CALD1: variants seen among roughly 807,000 people sequenced by gnomAD.
CALD1 encodes caldesmon.
Under a neutral mutation model 99.9 loss-of-function variants are expected in CALD1, and 33 were observed. The ratio of observed to expected loss-of-function variants is 0.33; its 90% CI spans 0.25 to 0.44. The LOEUF (loss-of-function observed/expected upper bound fraction) is 0.44, where lower values mean the gene tolerates loss of function less well. Among genes scored for constraint, CALD1 ranks in the 20% least tolerant of loss-of-function variants. The pLI is 1.00. For missense variants in CALD1, 861 were observed against 962.1 expected (o/e 0.89, Z 1.39); for synonymous variants, 310 against 325.0 (o/e 0.95, Z 0.50).
chr7:134,947,603 G>C lies in CALD1; in HGVS notation c.1628G>C (p.Arg543Pro), dbSNP rs753909731. ...AGGCTGGAGGAGCTTCGTCGTCGTC[G>C]CGGGGAGACCGAGAGCGAAGAGTTC... ...GKRLEELRRR[R>P]GETESEEFEK... Residue 543 changes from arginine to proline, a missense_variant, in exon 8 of 15, where the codon CGC (arginine) becomes CCC (proline). By Grantham distance (103) the Arg-to-Pro change is moderately radical. Coordinates refer to ENST00000361675, the MANE Select transcript of CALD1 (RefSeq NM_033138.4). 1 of 1,562,308 alleles carries C rather than the reference G, an allele frequency of 6.4e-7. No individual in the cohort carries two copies. Among genetic ancestry groups the C allele is most frequent in the South Asian group, 1.2e-5 (1 of 85,140 alleles).
intron 2 of CALD1, among the ~76,000 whole-genome samples, chr7:134,854,549 CT>C (rs1319119486): frequency 6.6e-6 from 1 of 151,904 alleles, no homozygotes; most frequent in East Asian, 1.9e-4. Context: ...TAATGACACA[CT>C]CACATTCATT....
intron 3 of CALD1, among the ~76,000 whole-genome samples, chr7:134,912,842 G>T (rs1803912409): frequency 6.6e-6 from 1 of 152,126 alleles, no homozygotes; most frequent in East Asian, 1.9e-4. Flanking sequence ...GACAATTTTT[G>T]ATACAATTTT....
chr7:134,760,973 G>A (rs750417372), intron 1 of CALD1, among the ~76,000 whole-genome samples: 5 of 152,128 alleles, frequency 3.3e-5, no homozygotes, highest in South Asian at 2.1e-4. Flanking sequence ...GTACTGCTTC[G>A]TTAGTTGTTC....
chr7:134,866,327 T>G (rs867865086), intron 2 of CALD1, among the ~76,000 whole-genome samples: 1 of 152,112 alleles, frequency 6.6e-6, no homozygotes, highest in Non-Finnish European at 1.5e-5. Context: ...GAAGTACTCT[T>G]GGTAAGAGTA....
the CALD1 span, among the ~76,000 whole-genome samples, chr7:134,727,807 TGAG>T: frequency 6.6e-6 from 1 of 152,186 alleles, no homozygotes; most frequent in Admixed American, 6.5e-5. Flanking sequence ...AGTTTGGTGA[TGAG>T]GAGCATTAGC....
intron 3 of CALD1, among the ~76,000 whole-genome samples, chr7:134,907,786 ATGT>A (rs960236347): frequency 2.0e-5 from 3 of 151,958 alleles, no homozygotes; most frequent in Non-Finnish European, 4.4e-5. Context: ...TGAACTGCAC[ATGT>A]TGTGGGAGCC....
At chr7:134,763,914 T>C (rs542303090) in intron 1 of CALD1, among the ~76,000 whole-genome samples, 143 of 99,600 alleles carry the variant, frequency 1.4e-3, no homozygotes, top group Non-Finnish European at 2.4e-3. Flanking sequence ...CGAGACTCCA[T>C]CTCAAAAAAA....
At chr7:134,719,266 A>C in the CALD1 span, among the ~76,000 whole-genome samples, 1 of 152,222 alleles carries the variant, frequency 6.6e-6, no homozygotes, top group Non-Finnish European at 1.5e-5. Context: ...AGAAGTGAAG[A>C]ATAAATAAGG....
chr7:134,775,530 T>G (rs534699108), upstream of CALD1, among the ~76,000 whole-genome samples: 1 of 152,138 alleles, frequency 6.6e-6, no homozygotes, highest in East Asian at 1.9e-4. Flanking sequence ...GCTAACATGG[T>G]GAAACCCTGT....
At chr7:134,787,019 C>A (rs1261072521) in intron 1 of CALD1, among the ~76,000 whole-genome samples, 1 of 152,144 alleles carries the variant, frequency 6.6e-6, no homozygotes, top group Non-Finnish European at 1.5e-5. Context: ...GATAAAACAT[C>A]CTGGCTCAGA....
intron 1 of CALD1, among the ~76,000 whole-genome samples, chr7:134,770,771 T>C (rs1490578036): frequency 6.6e-6 from 1 of 152,176 alleles, no homozygotes; most frequent in Non-Finnish European, 1.5e-5. Context: ...GGGGGAATGC[T>C]GTTATCATAG....
chr7:134,861,654 G>A (rs2347900), intron 2 of CALD1, among the ~76,000 whole-genome samples: 2 of 151,910 alleles, frequency 1.3e-5, no homozygotes, highest in South Asian at 2.1e-4. Context: ...CCCCAGTGTC[G>A]AGAACAGTAC....
intron 3 of CALD1, among the ~76,000 whole-genome samples, chr7:134,882,459 CT>C (rs754244431): frequency 2.0e-5 from 3 of 152,142 alleles, no homozygotes; most frequent in Non-Finnish European, 4.4e-5. Context: ...AGTCCATTTC[CT>C]TTTGTTGGCC....
chr7:134,861,850 G>C (rs1027590019), intron 2 of CALD1, among the ~76,000 whole-genome samples: 27 of 152,200 alleles, frequency 1.8e-4, no homozygotes, highest in Non-Finnish European at 2.6e-4. Flanking sequence ...CGAGAGCAGA[G>C]AAATGATGAT....
intron 9 of CALD1, 33 bp downstream of exon 9, chr7:134,950,547 T>C: frequency 1.9e-6 from 3 of 1,578,244 alleles, no homozygotes; most frequent in African/African-American, 1.3e-5. Context: ...TCTATTAGAA[T>C]ATGATAGAGA....
At position 134,965,591 on chromosome 7, in the gene CALD1, T is replaced by A. The variant is rs535606555; in HGVS notation, c.2376+205T>A. On this transcript the variant is annotated intron_variant, in intron 14 of 14. Transcript: ENST00000361675. The stretch of plus-strand genomic sequence containing the variant: ...AGTCATACAACATAAACGGCCCAAA[T>A]CCATGGAATGGTTCTCAGTAGGACA... Among the ~76,000 whole-genome samples, 200 of 152,202 alleles carry A rather than the reference T, an allele frequency of 1.3e-3. 3 individuals are homozygous for A. The highest frequency in any genetic ancestry group is 4.7e-3 in the African/African-American group (197 of 41,524).
intron 2 of CALD1, among the ~76,000 whole-genome samples, chr7:134,861,163 C>T (rs1421584879): frequency 6.6e-6 from 1 of 152,254 alleles, no homozygotes. Context: ...TATTATGTGG[C>T]GTAAGATGAA....
chr7:134,862,543 A>G (rs1800607985), intron 2 of CALD1, among the ~76,000 whole-genome samples: 1 of 152,186 alleles, frequency 6.6e-6, no homozygotes, highest in Non-Finnish European at 1.5e-5. Context: ...TAAAAACATC[A>G]GTGATTGCCA....
At chr7:134,829,202 AT>A (rs1178409475) in intron 1 of CALD1, among the ~76,000 whole-genome samples, 2 of 152,236 alleles carry the variant, frequency 1.3e-5, no homozygotes, top group Non-Finnish European at 2.9e-5. Flanking sequence ...GTAACCAAAC[AT>A]AAATATCATT....
Sources: allele counts gnomAD v4.1 joint callset (sites outside exome capture counted in the v4.1 genomes callset), GRCh38; gene constraint gnomAD v4.1.1; transcripts MANE v1.5; gene names NCBI Gene and HGNC (gene_info 2026-07-23, HGNC 2026-07-21).